The following TENM2 variants were observed in gnomAD, a reference collection of about 807,000 sequenced individuals.
The protein encoded by TENM2 is teneurin transmembrane protein 2, also known as teneurin-2.
In TENM2, 52 loss-of-function variants were observed where a neutral mutation model predicts 245.2. That is an observed-to-expected ratio of 0.21 (90% CI 0.17 to 0.27). The LOEUF (loss-of-function observed/expected upper bound fraction) is 0.27, where lower values mean the gene tolerates loss of function less well. Among genes scored for constraint, TENM2 ranks in the 10% least tolerant of loss-of-function variants. The pLI, the probability that TENM2 is intolerant of heterozygous loss-of-function variation, is 1.00. For missense variants in TENM2, 3,046 were observed against 3,666.8 expected, an observed-to-expected ratio of 0.83 and a Z score of 4.37; for synonymous variants, 1,363 against 1,438.9, an observed-to-expected ratio of 0.95 and a Z score of 1.19.
chr5:167,720,920 A>T (rs116575682), intron 2 of TENM2, among the ~76,000 whole-genome samples: 1,754 of 152,288 alleles, frequency 0.012, 33 homozygotes, highest in African/African-American at 0.04. Context: ...TATGCAGAAG[A>T]CGAAGTTGGG....
At chr5:168,052,672 G>C (rs1258239873) in intron 6 of TENM2, among the ~76,000 whole-genome samples, 1 of 151,950 alleles carries the variant, frequency 6.6e-6, no homozygotes, top group Non-Finnish European at 1.5e-5. Flanking sequence ...TGTACACCAA[G>C]TTGGCCCCTC....
chr5:167,352,157 A>T (rs569714693), intron 1 of TENM2, among the ~76,000 whole-genome samples: 1 of 152,330 alleles, frequency 6.6e-6, no homozygotes, highest in East Asian at 1.9e-4. Flanking sequence ...AGATCTAGCA[A>T]CATAAGCTCC....
intron 4 of TENM2, among the ~76,000 whole-genome samples, chr5:167,957,182 T>C (rs950014486): frequency 9.8e-5 from 15 of 152,300 alleles, no homozygotes; most frequent in Middle Eastern, 3.4e-3. Context: ...GGGATTCGAC[T>C]TCTTCCTGGT....
At chr5:167,016,471 A>G in the TENM2 span, among the ~76,000 whole-genome samples, 1 of 152,204 alleles carries the variant, frequency 6.6e-6, no homozygotes, top group Admixed American at 6.5e-5. Flanking sequence ...TGTGAATACA[A>G]TTAAAAAAAG....
chr5:167,585,733 A>G (rs1275938700), intron 2 of TENM2, among the ~76,000 whole-genome samples: 2 of 152,134 alleles, frequency 1.3e-5, no homozygotes, highest in African/African-American at 4.8e-5. Flanking sequence ...TAATCAAATA[A>G]TAAAATTTTT....
intron 5 of TENM2, among the ~76,000 whole-genome samples, chr5:168,046,991 T>C (rs1788660941): frequency 6.6e-6 from 1 of 152,232 alleles, no homozygotes; most frequent in African/African-American, 2.4e-5. Context: ...GAAGCTGATT[T>C]ACTTGTGAGT....
At chr5:167,022,970 T>G in the TENM2 span, among the ~76,000 whole-genome samples, 1 of 152,230 alleles carries the variant, frequency 6.6e-6, no homozygotes, top group East Asian at 1.9e-4. Context: ...CTATTTACTC[T>G]GTGATCTGTG....
At chr5:167,514,223 A>C (rs1315395260) in intron 2 of TENM2, among the ~76,000 whole-genome samples, 1 of 152,214 alleles carries the variant, frequency 6.6e-6, no homozygotes, top group Non-Finnish European at 1.5e-5. Context: ...AATACTGGAA[A>C]TACAAACATG....
chr5:167,715,079 G>A (rs2150497485), intron 2 of TENM2, among the ~76,000 whole-genome samples: 1 of 152,234 alleles, frequency 6.6e-6, no homozygotes. Flanking sequence ...AAGAAACACA[G>A]GACATAGCTT....
intron 1 of TENM2, among the ~76,000 whole-genome samples, chr5:167,305,759 T>G (rs940087114): frequency 1.3e-5 from 2 of 152,212 alleles, no homozygotes; most frequent in African/African-American, 4.8e-5. Flanking sequence ...TCTTATTTCA[T>G]AGAGGTTTTG....
At position 167,911,396 on chromosome 5, in the gene TENM2, G is replaced by A. The variant is rs534261044; in HGVS notation, c.712+35201G>A. Among the ~76,000 whole-genome samples, 75 of 152,242 alleles carry A rather than the reference G, an allele frequency of 4.9e-4. No individual in the cohort carries two copies. The South Asian group carries it at 5.4e-3, about 11-fold the overall frequency. ...AAAAAAAATAGCTGGGCGTGGTGGC[G>A]GGCGCCTGTAGTCCCAGCTACTCGG... On this transcript the variant is annotated intron_variant, in intron 3 of 28. Transcript: ENST00000518659.
In TENM2 at chr5:167,482,880, A is replaced by G. The variant is rs1047481764; in HGVS notation, c.502+107407A>G. Among the ~76,000 whole-genome samples, 15 of 152,330 alleles carry G rather than the reference A, an allele frequency of 9.8e-5. 1 individual carries two copies. The highest frequency in any genetic ancestry group is 2.9e-4 in the African/African-American group (12 of 41,580). On this transcript the variant is annotated intron_variant, in intron 2 of 28. Transcript: ENST00000518659. ...ATAATTGTTAGCAGCAATATAATAA[A>G]GTAGAAATATCCAGCTCTCTCCTCC... is the stretch of plus-strand genomic sequence containing the variant.
At chr5:168,185,610 A>G (rs1388284307) in intron 13 of TENM2, among the ~76,000 whole-genome samples, 1 of 151,206 alleles carries the variant, frequency 6.6e-6, no homozygotes, top group Non-Finnish European at 1.5e-5. Flanking sequence ...TAAGAGTTAC[A>G]TTATTCTGCT....
chr5:167,443,985 T>A (rs1765011842), intron 2 of TENM2, among the ~76,000 whole-genome samples: 1 of 152,124 alleles, frequency 6.6e-6, no homozygotes, highest in African/African-American at 2.4e-5. Flanking sequence ...AAGTCTTACT[T>A]AAAATAGCCC....
exon 5 of TENM2, chr5:167,993,041 C>A: frequency 6.2e-7 from 1 of 1,614,004 alleles, no homozygotes; most frequent in South Asian, 1.1e-5. Flanking sequence ...CACGCCCCCG[C>A]CCCGCCTGCT....
chr5:167,380,101 A>G (rs1761011605), intron 2 of TENM2, among the ~76,000 whole-genome samples: 1 of 152,090 alleles, frequency 6.6e-6, no homozygotes, highest in African/African-American at 2.4e-5. Context: ...CACAGACACA[A>G]AATATCATAG....
At chr5:168,145,060 A>T (rs1425538845) in intron 12 of TENM2, among the ~76,000 whole-genome samples, 36 of 151,560 alleles carry the variant, frequency 2.4e-4, no homozygotes, top group Non-Finnish European at 4.9e-4. Context: ...GTTTGAGTTC[A>T]CTGTAGATTC....
At chr5:167,082,700 A>G in the TENM2 span, among the ~76,000 whole-genome samples, 2 of 152,164 alleles carry the variant, frequency 1.3e-5, no homozygotes, top group Non-Finnish European at 2.9e-5. Context: ...TAATACCTCT[A>G]TTTTAGGAAA....
intron 2 of TENM2, among the ~76,000 whole-genome samples, chr5:167,471,090 C>T (rs556146736): frequency 9.9e-5 from 15 of 152,238 alleles, no homozygotes; most frequent in South Asian, 8.3e-4. Context: ...ATCTGCAAGA[C>T]TGCGGCTTCT....
Sources: gnomAD v4.1 joint callset for allele counts (sites outside exome capture counted in the v4.1 genomes callset) on GRCh38, gnomAD v4.1.1 for gene constraint, MANE v1.5 for transcripts, NCBI Gene and HGNC (gene_info 2026-07-23, HGNC 2026-07-21) for gene names.